GNAL: variants seen among roughly 807,000 people sequenced by gnomAD.
GNAL encodes guanine nucleotide-binding protein G(olf) subunit alpha.
A neutral mutation model predicts 55.1 loss-of-function variants in GNAL; 18 were observed. The ratio of observed to expected loss-of-function variants is 0.33; its 90% confidence interval spans 0.23 to 0.48. GNAL has a LOEUF of 0.48. Among genes scored for constraint, GNAL ranks in the 20% least tolerant of loss-of-function variants. The pLI is 0.99. For synonymous variants in GNAL, 253 were observed against 237.0 expected, an observed-to-expected ratio of 1.07 and a Z score of -0.62; for missense variants, 412 against 614.1, an observed-to-expected ratio of 0.67 and a Z score of 3.48.
At chr18:11,743,087 G>C (rs899264055) in intron 1 of GNAL, among the ~76,000 whole-genome samples, 5 of 152,160 alleles carry the variant, frequency 3.3e-5, no homozygotes, top group African/African-American at 9.7e-5. Context: ...ATCCCCACTT[G>C]ATTTGCTTAA....
chr18:11,869,143 A>T (rs75286749), intron 9 of GNAL, among the ~76,000 whole-genome samples: 18 of 137,114 alleles, frequency 1.3e-4, no homozygotes, highest in African/African-American at 3.7e-4. Context: ...ATTTTTTTTT[A>T]TTATTTTTTT....
intron 11 of GNAL, among the ~76,000 whole-genome samples, 189 bp from the exon 12 acceptor site, chr18:11,880,800 A>G (rs2036665196): frequency 6.6e-6 from 1 of 152,004 alleles, no homozygotes; most frequent in Non-Finnish European, 1.5e-5. Flanking sequence ...GGGGGCAATG[A>G]TAAGGGTGAG....
At chr18:11,777,876 G>A (rs932756113) in intron 4 of GNAL, among the ~76,000 whole-genome samples, 2 of 152,182 alleles carry the variant, frequency 1.3e-5, no homozygotes, top group African/African-American at 4.8e-5. Context: ...TTACAGACTA[G>A]AAAAAGGCAG....
chr18:11,792,146 T>C (rs1434383599), intron 4 of GNAL, among the ~76,000 whole-genome samples: 1 of 152,102 alleles, frequency 6.6e-6, no homozygotes, highest in Non-Finnish European at 1.5e-5. Context: ...TTATATCCAG[T>C]ACTTACTGCC....
At chr18:11,857,764 C>T in intron 5 of GNAL, 2 of 983,128 alleles carry the variant, frequency 2.0e-6, no homozygotes, top group Non-Finnish European at 2.4e-6. Flanking sequence ...TGCATTACAA[C>T]TGCCTGGTAC....
chr18:11,775,290 T>A (rs1347727554), intron 4 of GNAL, among the ~76,000 whole-genome samples: 1 of 152,136 alleles, frequency 6.6e-6, no homozygotes, highest in Non-Finnish European at 1.5e-5. Flanking sequence ...CTCTGCAGAG[T>A]CCACACCTCA....
At chr18:11,723,289 A>G (rs915843909) in intron 1 of GNAL, among the ~76,000 whole-genome samples, 11 of 152,244 alleles carry the variant, frequency 7.2e-5, no homozygotes, top group African/African-American at 2.7e-4. Context: ...AAAACTTTAC[A>G]AACACATTTG....
intron 1 of GNAL, among the ~76,000 whole-genome samples, chr18:11,729,994 A>C (rs2032298601): frequency 1.3e-5 from 2 of 151,946 alleles, no homozygotes; most frequent in Admixed American, 6.6e-5. Flanking sequence ...TTCTTTATTT[A>C]GTTGGCAATG....
intron 10 of GNAL, among the ~76,000 whole-genome samples, chr18:11,872,909 C>T (rs759064160): frequency 3.5e-4 from 53 of 152,244 alleles, no homozygotes; most frequent in Admixed American, 1.2e-3. Context: ...GCAGCAGCCG[C>T]GCTTATCTGC....
Position 11,722,118 on chromosome 18 carries a change from G to C in GNAL, c.377-30735G>C, listed in dbSNP as rs1400821637. On this transcript the variant is annotated intron_variant, in intron 1 of 11. Transcript: ENST00000334049. ...CCTTGGTTTTGAATTGACAAATAAT[G>C]TTGTTCCCAACATTCTCAACTCTCC... 2.0e-5 allele frequency among the ~76,000 whole-genome samples: 3 copies of C among 152,084 alleles called. No homozygotes were observed. The South Asian group carries it at 6.2e-4, about 32-fold the overall frequency.
intron 1 of GNAL, among the ~76,000 whole-genome samples, chr18:11,726,180 C>G (rs908649998): frequency 1.3e-5 from 2 of 152,152 alleles, no homozygotes; most frequent in African/African-American, 4.8e-5. Context: ...AGTGTCAGTC[C>G]TCTGACTTCA....
At chr18:11,860,111 C>G (rs1286065202) in intron 5 of GNAL, among the ~76,000 whole-genome samples, 1 of 152,194 alleles carries the variant, frequency 6.6e-6, no homozygotes, top group Non-Finnish European at 1.5e-5. Flanking sequence ...TAGCCTGTTT[C>G]CCTTGGCTTC....
intron 4 of GNAL, among the ~76,000 whole-genome samples, chr18:11,788,066 C>T (rs1033811516): frequency 2.0e-5 from 3 of 152,070 alleles, no homozygotes; most frequent in Admixed American, 6.5e-5. Flanking sequence ...TTGACCATAC[C>T]TGGAGCCATT....
intron 5 of GNAL, among the ~76,000 whole-genome samples, chr18:11,837,693 GA>G (rs1327862408): frequency 6.6e-6 from 1 of 152,164 alleles, no homozygotes; most frequent in Non-Finnish European, 1.5e-5. Context: ...AGCCACTTTG[GA>G]AAACAAACTG....
chr18:11,822,187 C>T lies in GNAL; in HGVS notation c.625-2731C>T, dbSNP rs574229954. On this transcript the variant is annotated intron_variant, in intron 4 of 11. Coordinates refer to ENST00000334049, the MANE Select transcript of GNAL (RefSeq NM_182978.4). ...CGGGCCTACTCAAGATGGGGTTTCTCGGGCGGGGCGTGGTGGGCGCGCCTG... is the reference window on the plus strand; with the variant it reads ...CGGGCCTACTCAAGATGGGGTTTCTTGGGCGGGGCGTGGTGGGCGCGCCTG... Among the ~76,000 whole-genome samples the T allele has an allele frequency of 7.2e-5, 11 of 152,300 alleles. No homozygotes were observed. In the South Asian group the frequency reaches 1.7e-3, roughly 23 times the overall value.
At chr18:11,705,024 T>C (rs1353090193) in intron 1 of GNAL, among the ~76,000 whole-genome samples, 1 of 152,172 alleles carries the variant, frequency 6.6e-6, no homozygotes, top group Admixed American at 6.5e-5. Flanking sequence ...CGTACTCTTC[T>C]ATATGGGGAC....
At chr18:11,742,686 C>T (rs79367466) in intron 1 of GNAL, among the ~76,000 whole-genome samples, 4,696 of 152,296 alleles carry the variant, frequency 0.031, 98 homozygotes, top group Non-Finnish European at 0.044. Context: ...TTCTGCAGTG[C>T]CTTCTCACCT....
At chr18:11,788,934 T>TATAC (rs1485888734) in intron 4 of GNAL, among the ~76,000 whole-genome samples, 1 of 135,628 alleles carries the variant, frequency 7.4e-6, no homozygotes, top group Non-Finnish European at 1.5e-5. Flanking sequence ...TATATATATA[T>TATAC]ATACACATAT....
intron 5 of GNAL, among the ~76,000 whole-genome samples, chr18:11,827,598 G>T (rs1244813352): frequency 6.6e-6 from 1 of 151,986 alleles, no homozygotes; most frequent in Admixed American, 6.6e-5. Flanking sequence ...GAGTGACAGA[G>T]CAAGGCTCGT....
Sources: gnomAD v4.1 joint callset for allele counts (sites outside exome capture counted in the v4.1 genomes callset) on GRCh38, gnomAD v4.1.1 for gene constraint, MANE v1.5 for transcripts, NCBI Gene and HGNC (gene_info 2026-07-23, HGNC 2026-07-21) for gene names.